Variants in PDE1A observed in about 807,000 individuals in gnomAD.
PDE1A encodes dual specificity calcium/calmodulin-dependent 3',5'-cyclic nucleotide phosphodiesterase 1A.
Under a neutral mutation model 61.7 loss-of-function variants are expected in PDE1A, and 35 were observed. The ratio of observed to expected loss-of-function variants is 0.57; its 90% confidence interval spans 0.43 to 0.75. PDE1A has a LOEUF of 0.75. Ranked by LOEUF, PDE1A falls within the 30% of genes least tolerant of loss-of-function variation. The probability of loss-of-function intolerance (pLI) is 0.00; values close to 1 mark genes in which losing one functional copy is unlikely to be tolerated. For missense variants in PDE1A, 597 were observed against 630.6 expected (o/e 0.95, Z 0.57); for synonymous variants, 232 against 213.2 (o/e 1.09, Z -0.77).
At chr2:182,428,133 T>C (rs1703730226), upstream of PDE1A, among the ~76,000 whole-genome samples, 1 of 152,136 alleles carries the variant, frequency 6.6e-6, no homozygotes, top group East Asian at 1.9e-4. Context: ...GTAATCATTA[T>C]GAGAGCATTG....
chr2:182,481,071 C>T (rs1022973327), intron 2 of PDE1A, among the ~76,000 whole-genome samples: 2 of 151,652 alleles, frequency 1.3e-5, no homozygotes, highest in African/African-American at 2.4e-5. Context: ...AGTTTTACAC[C>T]GGATATAAGG....
the PDE1A span, among the ~76,000 whole-genome samples, chr2:182,716,775 C>T: frequency 6.6e-6 from 1 of 152,176 alleles, no homozygotes; most frequent in Non-Finnish European, 1.5e-5. Context: ...CTTTACCCCT[C>T]TCCCCTCTCC....
rs534874612 is a variant in PDE1A at position 182,193,648 on chromosome 2, G to A, written c.1126-4588C>T. On this transcript the variant is annotated intron_variant, in intron 10 of 13. Coordinates refer to ENST00000351439, the Ensembl canonical transcript of PDE1A. ...CCCTTCTAAATTCGAAGAACGCCAC[G>A]AAAAACATTTAAGCATTTAATAATT... Among the ~76,000 whole-genome samples, 7 of 152,100 alleles carry A rather than the reference G, an allele frequency of 4.6e-5. No homozygotes were observed. In the South Asian group the frequency reaches 1.0e-3, roughly 23 times the overall value.
At chr2:182,162,427 T>C (rs1315469316) in intron 13 of PDE1A, among the ~76,000 whole-genome samples, 1 of 152,166 alleles carries the variant, frequency 6.6e-6, no homozygotes, top group African/African-American at 2.4e-5. Context: ...ACTTGAACTG[T>C]AGAAGCACAA....
chr2:182,559,585 T>G, the PDE1A span, among the ~76,000 whole-genome samples: 1 of 152,296 alleles, frequency 6.6e-6, no homozygotes, highest in South Asian at 2.1e-4. Flanking sequence ...CTACTAAAGC[T>G]GAACATAGGT....
the PDE1A span, among the ~76,000 whole-genome samples, chr2:182,567,923 G>A: frequency 2.0e-5 from 3 of 151,530 alleles, no homozygotes; most frequent in Non-Finnish European, 4.4e-5. Flanking sequence ...CTCCTGAGTA[G>A]CTGGGATTAG....
intron 1 of PDE1A, among the ~76,000 whole-genome samples, chr2:182,290,065 G>C (rs1034966760): frequency 6.6e-6 from 1 of 151,916 alleles, no homozygotes; most frequent in Non-Finnish European, 1.5e-5. Flanking sequence ...AATATGAAAA[G>C]TAAATAACTG....
intron 1 of PDE1A, among the ~76,000 whole-genome samples, chr2:182,364,236 C>G (rs1459041520): frequency 6.6e-6 from 1 of 151,706 alleles, no homozygotes; most frequent in Non-Finnish European, 1.5e-5. Flanking sequence ...GGCCAAGAGC[C>G]AGGCAGGGCA....
chr2:182,364,651 T>C (rs565844880), intron 1 of PDE1A, among the ~76,000 whole-genome samples: 1 of 151,758 alleles, frequency 6.6e-6, no homozygotes, highest in Non-Finnish European at 1.5e-5. Context: ...TTACTATATT[T>C]GTAACAAATA....
intron 10 of PDE1A, among the ~76,000 whole-genome samples, chr2:182,193,228 C>T (rs1301664833): frequency 1.3e-5 from 2 of 152,008 alleles, no homozygotes; most frequent in East Asian, 1.9e-4. Context: ...CCTTGTGATC[C>T]GTCTGCTCCA....
At chr2:182,427,430 A>G (rs1029795826), upstream of PDE1A, among the ~76,000 whole-genome samples, 3 of 152,164 alleles carry the variant, frequency 2.0e-5, no homozygotes, top group African/African-American at 7.2e-5. Context: ...GTGACATTAT[A>G]CCCAGATGTC....
At chr2:182,170,394 A>C (rs950982567) in intron 13 of PDE1A, among the ~76,000 whole-genome samples, 2 of 152,084 alleles carry the variant, frequency 1.3e-5, no homozygotes, top group Non-Finnish European at 1.5e-5. Flanking sequence ...AGATATAACT[A>C]ATCTTATGAG....
At chr2:182,584,981 G>A in the PDE1A span, among the ~76,000 whole-genome samples, 97 of 152,254 alleles carry the variant, frequency 6.4e-4, 1 homozygote, top group South Asian at 8.3e-3. Context: ...AAACCTGGAC[G>A]TAAAAAAAGT....
At chr2:182,389,279 TCAA>T (rs1253017310) in intron 1 of PDE1A, among the ~76,000 whole-genome samples, 14 of 152,128 alleles carry the variant, frequency 9.2e-5, no homozygotes, top group African/African-American at 2.9e-4. Flanking sequence ...CAGGAAACTA[TCAA>T]CAGAGTGAAC....
At chr2:182,392,040 G>A (rs988377038) in intron 1 of PDE1A, among the ~76,000 whole-genome samples, 1 of 152,140 alleles carries the variant, frequency 6.6e-6, no homozygotes, top group Non-Finnish European at 1.5e-5. Flanking sequence ...CAACACTACT[G>A]ACAATTTATA....
the PDE1A span, among the ~76,000 whole-genome samples, chr2:182,589,666 G>A: frequency 6.6e-6 from 1 of 152,272 alleles, no homozygotes; most frequent in East Asian, 1.9e-4. Context: ...GAGTACATCA[G>A]GCTAAAGAAA....
chr2:182,688,018 T>C, the PDE1A span, among the ~76,000 whole-genome samples: 4 of 152,108 alleles, frequency 2.6e-5, no homozygotes, highest in African/African-American at 9.7e-5. Flanking sequence ...CCAAGAAATA[T>C]GGGACTATGT....
intron 11 of PDE1A, among the ~76,000 whole-genome samples, chr2:182,187,978 C>T (rs917835957): frequency 4.7e-5 from 7 of 150,518 alleles, no homozygotes; most frequent in African/African-American, 1.5e-4. Context: ...TCTCCTGACC[C>T]GAGATCTACC....
chr2:182,472,395 C>A (rs1275203555), intron 2 of PDE1A, among the ~76,000 whole-genome samples: 1 of 151,918 alleles, frequency 6.6e-6, no homozygotes, highest in African/African-American at 2.4e-5. Flanking sequence ...AGAATAAAAT[C>A]ATGTCTTTTG....
Sources: gnomAD v4.1 joint callset for allele counts (sites outside exome capture counted in the v4.1 genomes callset) on GRCh38, gnomAD v4.1.1 for gene constraint, MANE v1.5 for transcripts, NCBI Gene and HGNC (gene_info 2026-07-23, HGNC 2026-07-21) for gene names.